The following JAM3 variants were observed in gnomAD, a reference collection of about 807,000 sequenced individuals.
JAM3 encodes the protein junctional adhesion molecule C.
A neutral mutation model predicts 39.4 loss-of-function variants in JAM3; 31 were observed. The observed-to-expected ratio is 0.79, with a 90% CI of 0.59 to 1.06. JAM3 has a LOEUF of 1.06. Among genes scored for constraint, JAM3 ranks in the 50% least tolerant of loss-of-function variants. The pLI is 0.00. For missense variants in JAM3, 455 were observed against 391.4 expected (o/e 1.16, Z -1.37); for synonymous variants, 182 against 148.7 (o/e 1.22, Z -1.63).
At chr11:134,086,384 G>T (rs1455173443) in intron 1 of JAM3, among the ~76,000 whole-genome samples, 1 of 150,222 alleles carries the variant, frequency 6.7e-6, no homozygotes, top group Non-Finnish European at 1.5e-5. Context: ...ATTTTATCTA[G>T]AGGACAGACG....
intron 1 of JAM3, among the ~76,000 whole-genome samples, chr11:134,134,205 C>T (rs1220513796): frequency 6.6e-6 from 1 of 151,542 alleles, no homozygotes; most frequent in African/African-American, 2.4e-5. Flanking sequence ...GAAAGATGAC[C>T]TAAAAAATGG....
intron 1 of JAM3, among the ~76,000 whole-genome samples, chr11:134,118,454 C>T (rs1447527811): frequency 6.6e-6 from 1 of 152,264 alleles, no homozygotes; most frequent in Non-Finnish European, 1.5e-5. Flanking sequence ...TGCACAGGTT[C>T]TCCCTGAGTT....
intron 1 of JAM3, among the ~76,000 whole-genome samples, chr11:134,089,433 A>C (rs1471816486): frequency 6.6e-6 from 1 of 152,012 alleles, no homozygotes; most frequent in African/African-American, 2.4e-5. Context: ...TTAACATTAG[A>C]TATATCTCCA....
intron 1 of JAM3, among the ~76,000 whole-genome samples, chr11:134,133,000 C>A (rs1942796779): frequency 6.6e-6 from 1 of 152,170 alleles, no homozygotes; most frequent in Non-Finnish European, 1.5e-5. Flanking sequence ...AGTGTTTTGA[C>A]CTGTGACCTC....
intron 2 of JAM3, 142 bp downstream of exon 2, chr11:134,140,058 GAAGCA>G: frequency 1.4e-6 from 1 of 717,418 alleles, no homozygotes; most frequent in Non-Finnish European, 2.5e-6. Context: ...CACAGGCCTG[GAAGCA>G]TGGCATCAGC....
intron 1 of JAM3, among the ~76,000 whole-genome samples, chr11:134,109,000 G>A (rs556118686): frequency 1.1e-4 from 16 of 151,828 alleles, no homozygotes; most frequent in Admixed American, 7.9e-4. Context: ...TCTATCTCCC[G>A]GGCTGGAGTA....
chr11:134,128,696 C>T (rs1384395446), intron 1 of JAM3, among the ~76,000 whole-genome samples: 2 of 150,476 alleles, frequency 1.3e-5, no homozygotes, highest in Non-Finnish European at 2.9e-5. Flanking sequence ...TGCCTGCTTC[C>T]CCTATGCCTT....
At chr11:134,069,228 C>A in intron 1 of JAM3, 69 bp downstream of exon 1, 2 of 1,558,134 alleles carry the variant, frequency 1.3e-6, no homozygotes, top group Non-Finnish European at 1.7e-6. Context: ...CGGGCCGAAG[C>A]TGCTGGAGCC....
chr11:134,124,103 A>G (rs1942591439), intron 1 of JAM3: 2 of 1,488,508 alleles, frequency 1.3e-6, no homozygotes, highest in South Asian at 2.3e-5. Context: ...CTACTATCTG[A>G]TTAGGGGGTG....
intron 1 of JAM3, among the ~76,000 whole-genome samples, chr11:134,130,619 T>C (rs470570): frequency 0.4 from 60,099 of 151,956 alleles, 12,935 homozygotes; most frequent in African/African-American, 0.58. Context: ...ACCAAGCAAA[T>C]ATCTAACCAA....
In JAM3 at chr11:134,140,097, G is replaced by A. The variant is rs79808512; in HGVS notation, c.142+181G>A. 7.8e-3 allele frequency among the ~76,000 whole-genome samples: 1,195 copies of A among 152,298 alleles called. 10 individuals carry two copies. Among genetic ancestry groups the A allele is most frequent in the Non-Finnish European group, 0.01 (704 of 68,024 alleles). Reference sequence around the variant, plus strand: ...GCAGGCCGGCAGTGAGCCCTGTGCAGTTTTCCATCAGCTGTCATCGCACTC... The same window carrying A: ...GCAGGCCGGCAGTGAGCCCTGTGCAATTTTCCATCAGCTGTCATCGCACTC... On this transcript the variant is annotated intron_variant, in intron 2 of 8. Transcript: ENST00000299106.
chr11:134,139,256 G>T (rs1463088658), intron 1 of JAM3, among the ~76,000 whole-genome samples: 4 of 152,182 alleles, frequency 2.6e-5, no homozygotes, highest in African/African-American at 9.7e-5. Flanking sequence ...ACTCAGCTTC[G>T]TGAAAATTAC....
At chr11:134,077,969 A>G (rs1941601730) in intron 1 of JAM3, among the ~76,000 whole-genome samples, 1 of 151,568 alleles carries the variant, frequency 6.6e-6, no homozygotes, top group African/African-American at 2.4e-5. Flanking sequence ...CTTTTTCTTG[A>G]GAGTGCAGCC....
At chr11:134,125,705 C>G (rs538134312) in intron 1 of JAM3, among the ~76,000 whole-genome samples, 1 of 152,188 alleles carries the variant, frequency 6.6e-6, no homozygotes, top group East Asian at 1.9e-4. Flanking sequence ...TGAGCCCCGA[C>G]AATACTCAGG....
At chr11:134,086,652 A>G (rs1315557813) in intron 1 of JAM3, among the ~76,000 whole-genome samples, 1 of 152,204 alleles carries the variant, frequency 6.6e-6, no homozygotes, top group East Asian at 1.9e-4. Flanking sequence ...GTTTACATAC[A>G]AAATAAACAG....
chr11:134,113,430 A>G (rs1591790237), intron 1 of JAM3, among the ~76,000 whole-genome samples: 2 of 152,148 alleles, frequency 1.3e-5, no homozygotes, highest in South Asian at 4.1e-4. Context: ...CCTCTGAGTG[A>G]GAACACGCGG....
chr11:134,145,968 A>T lies in JAM3; in HGVS notation c.635A>T (p.Asp212Val). 6.2e-7 allele frequency: 1 copy of T among 1,613,780 alleles called. No individual in the cohort carries two copies. The highest frequency in any genetic ancestry group is 8.5e-7 in the Non-Finnish European group (1 of 1,179,662). ...GTLVFTAVHK[D>V]DSGQYYCIAS... is the part of the protein sequence containing the mutation. ...CAGGTGTTCACTGCTGTTCACAAGG[A>T]CGACTCTGGGCAGTACTACTGCATT... The change falls in exon 6 of 9, where the codon GAC (aspartate) becomes GTC (valine). Residue 212 changes from aspartate (D) to valine (V), a missense_variant. Asp to Val is a radical substitution (Grantham distance 152, BLOSUM62 -3). Coordinates refer to ENST00000299106, the MANE Select transcript of JAM3 (RefSeq NM_032801.5).
At chr11:134,141,784 G>A (rs1303217244) in intron 3 of JAM3, among the ~76,000 whole-genome samples, 1 of 152,152 alleles carries the variant, frequency 6.6e-6, no homozygotes, top group East Asian at 1.9e-4. Context: ...GCAGGCAGGT[G>A]GCTGGAGAGG....
intron 1 of JAM3, among the ~76,000 whole-genome samples, chr11:134,077,061 C>T (rs1461387487): frequency 6.6e-6 from 1 of 151,718 alleles, no homozygotes. Context: ...TCTCGAACTC[C>T]TGACCTTAGG....
Sources: allele counts gnomAD v4.1 joint callset (sites outside exome capture counted in the v4.1 genomes callset), GRCh38; gene constraint gnomAD v4.1.1; transcripts MANE v1.5; gene names NCBI Gene and HGNC (gene_info 2026-07-23, HGNC 2026-07-21).